Variants in YWHAE observed in about 807,000 individuals in gnomAD.
YWHAE encodes the protein 14-3-3 protein epsilon.
In YWHAE, 4 loss-of-function variants were observed where a neutral mutation model predicts 30.1. The observed-to-expected ratio is 0.13, with a 90% CI of 0.07 to 0.30. YWHAE has a LOEUF of 0.30. Ranked by LOEUF, YWHAE falls within the 10% of genes least tolerant of loss-of-function variation. YWHAE has a pLI of 1.00. For missense variants in YWHAE, 121 were observed against 315.9 expected (o/e 0.38, Z 4.68); for synonymous variants, 118 against 111.8 (o/e 1.06, Z -0.35).
At position 1,383,141 on chromosome 17, in the gene YWHAE, G is replaced by C. The variant is rs151276545; in HGVS notation, c.64+16906C>G. ...CGAGGCACATGGATCACCTGAGGTC[G>C]AGAGTTCGAGACCAGCCTGACCAAC... On this transcript the variant is annotated intron_variant, in intron 1 of 5. Transcript: ENST00000264335. Among the ~76,000 whole-genome samples, 299 of 150,040 alleles carry C rather than the reference G, an allele frequency of 2.0e-3. 2 individuals are homozygous for C. The highest frequency in any genetic ancestry group is 6.9e-3 in the African/African-American group (282 of 40,928).
chr17:1,400,049 T>C lies in YWHAE; in HGVS notation c.62A>G (p.Asp21Gly). ...AKLAEQAERY[D>G]EMVESMKKVA... ...CCCCCGTTGCCCCCCCAACTCACCG[T>C]CGTATCGCTCAGCCTGCTCGGCCAG... The change falls in exon 1 of 6, where the codon GAC becomes GGC. Residue 21 changes from aspartate (D) to glycine (G), a missense_variant and splice_region_variant. Physicochemically the swap from Asp to Gly is moderately conservative, Grantham distance 94. Around this residue, in one of 2 missense-constraint regions of YWHAE, gnomAD observed 99 missense variants for 289.3 expected, o/e 0.34. Transcript: ENST00000264335. The C allele has an allele frequency of 7.2e-7, 1 of 1,382,576 alleles. No homozygotes were observed. Among genetic ancestry groups the C allele is most frequent in the Non-Finnish European group, 1.0e-6 (1 of 972,982 alleles). 85.6% of individuals were successfully genotyped at this position (1,382,576 alleles called of 1,614,324 possible). A position where few individuals can be genotyped will look rare whatever the true frequency, so the allele number is the denominator to read the frequency against.
At chr17:1,366,210 C>CAAA (rs35109750) in intron 1 of YWHAE, among the ~76,000 whole-genome samples, 19 of 127,188 alleles carry the variant, frequency 1.5e-4, no homozygotes, top group Middle Eastern at 4.2e-3. Flanking sequence ...GACTCCACCT[C>CAAA]AAAAAAAAAA....
chr17:1,366,457 G>C (rs1292153583), intron 1 of YWHAE, among the ~76,000 whole-genome samples: 1 of 152,060 alleles, frequency 6.6e-6, no homozygotes, highest in Non-Finnish European at 1.5e-5. Flanking sequence ...AGAATTGCTT[G>C]AACCCAGGAG....
At position 1,364,894 on chromosome 17, in the gene YWHAE, C is replaced by T; in HGVS notation, c.229G>A (p.Asp77Asn). 1 of 1,614,082 alleles carries T rather than the reference C, an allele frequency of 6.2e-7. No homozygotes were observed. Reference protein sequence around the residue: ...EQKEENKGGEDKLKMIREYRQ... With the variant: ...EQKEENKGGENKLKMIREYRQ... ...TATTCCCGAATCATTTTTAGCTTGT[C>T]TTCTCCTCCCTTGTTTTCTTCTTTC... is the stretch of plus-strand genomic sequence containing the variant. Residue 77 changes from aspartate to asparagine, a missense_variant, in exon 2 of 6, where the codon GAC (aspartate) becomes AAC (asparagine). Coordinates refer to ENST00000264335, the MANE Select transcript of YWHAE (RefSeq NM_006761.5).
chr17:1,349,593 T>C (rs770859049), intron 5 of YWHAE, among the ~76,000 whole-genome samples: 34 of 151,414 alleles, frequency 2.2e-4, no homozygotes, highest in African/African-American at 6.5e-4. Flanking sequence ...CAATAAGGAA[T>C]TGAACACAAA....
intron 4 of YWHAE, 21 bp downstream of exon 4, chr17:1,361,071 C>T (rs1371580833): frequency 1.2e-6 from 2 of 1,609,698 alleles, no homozygotes; most frequent in Admixed American, 3.3e-5. Context: ...CTGAGCGCTG[C>T]TGTTCTTCCC....
chr17:1,346,949 C>CCA (rs1485068669), intron 5 of YWHAE, among the ~76,000 whole-genome samples: 1 of 150,094 alleles, frequency 6.7e-6, no homozygotes, highest in East Asian at 1.9e-4. Flanking sequence ...CAAGAACATG[C>CCA]CACTACACTC....
chr17:1,392,348 C>T (rs2073400985), intron 1 of YWHAE, among the ~76,000 whole-genome samples: 1 of 152,112 alleles, frequency 6.6e-6, no homozygotes, highest in South Asian at 2.1e-4. Flanking sequence ...GCAATCCAAG[C>T]CTGGCCAACA....
chr17:1,391,192 T>C (rs16945809), intron 1 of YWHAE, among the ~76,000 whole-genome samples: 11,498 of 152,092 alleles, frequency 0.076, 501 homozygotes, highest in African/African-American at 0.11. Context: ...AACTACCACA[T>C]CCTTAACTAG....
At chr17:1,346,806 A>G (rs551953694) in intron 5 of YWHAE, among the ~76,000 whole-genome samples, 1,501 of 148,262 alleles carry the variant, frequency 0.01, 26 homozygotes, top group African/African-American at 0.032. Flanking sequence ...CTAACACAGT[A>G]AATCCCCATC....
chr17:1,388,106 T>TG lies in YWHAE; in HGVS notation c.64+11940_64+11941insC, dbSNP rs1567983173. 5.2e-4 allele frequency among the ~76,000 whole-genome samples: 24 copies of TG among 46,592 alleles called. 1 individual carries two copies. The South Asian group carries it at 7.7e-3, about 15-fold the overall frequency. The allele number at this position is 46,592 out of a possible 152,430, so 30.6% of individuals were successfully genotyped here. A position where few individuals can be genotyped will look rare whatever the true frequency, so the allele number is the denominator to read the frequency against. On this transcript the variant is annotated intron_variant, in intron 1 of 5. Coordinates refer to ENST00000264335, the MANE Select transcript of YWHAE (RefSeq NM_006761.5). ...ACCACGCCTGGGTAATTTTTGTTTTTTTTTTTGGTTGGTTTTTTTTTTTTT... is the reference window on the plus strand; with the variant it reads ...ACCACGCCTGGGTAATTTTTGTTTTTGTTTTTTGGTTGGTTTTTTTTTTTTT...
At chr17:1,356,686 C>T (rs2150844518) in intron 4 of YWHAE, among the ~76,000 whole-genome samples, 1 of 152,008 alleles carries the variant, frequency 6.6e-6, no homozygotes, top group South Asian at 2.1e-4. Context: ...TGGCTGGGCG[C>T]AGTGGCTCAC....
At chr17:1,375,748 T>C (rs2073112422) in intron 1 of YWHAE, among the ~76,000 whole-genome samples, 1 of 152,356 alleles carries the variant, frequency 6.6e-6, no homozygotes, top group Non-Finnish European at 1.5e-5. Context: ...TGGAACCAGC[T>C]TGTGTCTGGG....
chr17:1,375,105 G>A (rs973578018), intron 1 of YWHAE, among the ~76,000 whole-genome samples: 2 of 152,224 alleles, frequency 1.3e-5, no homozygotes, highest in East Asian at 1.9e-4. Context: ...CAAGAGTATG[G>A]AAAGTCAACT....
intron 3 of YWHAE, chr17:1,361,658 G>A: frequency 2.2e-6 from 1 of 461,558 alleles, no homozygotes; most frequent in Non-Finnish European, 3.8e-6. Flanking sequence ...ACTAAGCACT[G>A]TGAAATGTAT....
At chr17:1,352,475 T>C (rs1598225384) in intron 5 of YWHAE, among the ~76,000 whole-genome samples, 1 of 151,720 alleles carries the variant, frequency 6.6e-6, no homozygotes, top group South Asian at 2.1e-4. Flanking sequence ...AAACTACAGA[T>C]AGCCTCAAGC....
At chr17:1,367,573 T>C (rs1019830207) in intron 1 of YWHAE, among the ~76,000 whole-genome samples, 5 of 152,138 alleles carry the variant, frequency 3.3e-5, no homozygotes, top group African/African-American at 9.7e-5. Flanking sequence ...ATTGCGCATT[T>C]TGCCAGCAAA....
intron 1 of YWHAE, among the ~76,000 whole-genome samples, chr17:1,385,854 G>A (rs1452897656): frequency 6.6e-6 from 1 of 152,132 alleles, no homozygotes; most frequent in Non-Finnish European, 1.5e-5. Flanking sequence ...CAAGGCAGGA[G>A]GACTTCTTGA....
chr17:1,370,046 A>G (rs979205170), intron 1 of YWHAE, among the ~76,000 whole-genome samples: 4 of 145,544 alleles, frequency 2.7e-5, no homozygotes, highest in Non-Finnish European at 4.5e-5. Context: ...TGCCATGTTG[A>G]TGGGCTTTTC....
Sources: gnomAD v4.1 joint callset for allele counts (sites outside exome capture counted in the v4.1 genomes callset) on GRCh38, gnomAD v4.1.1 for gene constraint, gnomAD v4.1.1 regional missense constraint, MANE v1.5 for transcripts, NCBI Gene and HGNC (gene_info 2026-07-23, HGNC 2026-07-21) for gene names.